EIF4G3: variants seen among roughly 807,000 people sequenced by gnomAD.
EIF4G3 encodes eukaryotic translation initiation factor 4 gamma 3, also known as eIF-4-gamma 3.
In EIF4G3, 34 loss-of-function variants were observed where a neutral mutation model predicts 186.4. That is an observed-to-expected ratio of 0.18 (90% CI 0.14 to 0.24). The LOEUF (loss-of-function observed/expected upper bound fraction) is 0.24, where lower values mean the gene tolerates loss of function less well. EIF4G3 is among the 10% of genes least tolerant of loss of function. EIF4G3 has a pLI of 1.00. For missense variants in EIF4G3, 1,536 were observed against 1,948.5 expected (o/e 0.79, Z 3.99); for synonymous variants, 673 against 679.5 (o/e 0.99, Z 0.15).
intron 7 of EIF4G3, among the ~76,000 whole-genome samples, chr1:20,987,552 A>AT (rs1181129187): frequency 6.6e-6 from 1 of 152,080 alleles, no homozygotes; most frequent in Non-Finnish European, 1.5e-5. Context: ...CATTATTATT[A>AT]TATCTGTTAT....
intron 3 of EIF4G3, among the ~76,000 whole-genome samples, chr1:21,084,178 CATGT>C (rs2095881286): frequency 6.6e-6 from 1 of 150,498 alleles, no homozygotes; most frequent in South Asian, 2.1e-4. Context: ...CTGTAATGTC[CATGT>C]ATTAGTCCAT....
chr1:21,090,362 C>G (rs189600255), intron 2 of EIF4G3, among the ~76,000 whole-genome samples: 1 of 152,246 alleles, frequency 6.6e-6, no homozygotes, highest in African/African-American at 2.4e-5. Flanking sequence ...CAAATGCCAA[C>G]TAGGCAAATA....
intron 30 of EIF4G3, among the ~76,000 whole-genome samples, chr1:20,829,597 C>A (rs1029775834): frequency 6.6e-6 from 1 of 152,118 alleles, no homozygotes; most frequent in African/African-American, 2.4e-5. Context: ...GAAGGACAGT[C>A]CTGTGAAGTT....
At chr1:21,122,286 A>C (rs779081892) in intron 2 of EIF4G3, among the ~76,000 whole-genome samples, 5 of 145,646 alleles carry the variant, frequency 3.4e-5, no homozygotes, top group African/African-American at 5.0e-5. Context: ...GACAATTTTC[A>C]AGATATGAAA....
chr1:21,126,553 G>A (rs2097049326), intron 2 of EIF4G3, among the ~76,000 whole-genome samples: 1 of 151,980 alleles, frequency 6.6e-6, no homozygotes, highest in Non-Finnish European at 1.5e-5. Context: ...CTACTCCCGA[G>A]AATGGCATGG....
At chr1:20,815,472 A>C (rs1271018251) in intron 34 of EIF4G3, among the ~76,000 whole-genome samples, 7 of 134,764 alleles carry the variant, frequency 5.2e-5, no homozygotes, top group African/African-American at 1.1e-4. Flanking sequence ...GCTGGGCCGC[A>C]ACCCTGTCTG....
At chr1:21,173,284 C>G (rs899224444) in intron 2 of EIF4G3, among the ~76,000 whole-genome samples, 6 of 151,814 alleles carry the variant, frequency 4.0e-5, no homozygotes, top group Non-Finnish European at 8.8e-5. Flanking sequence ...GCAACTTCTG[C>G]CTCGTGGGTT....
At chr1:20,986,978 T>A (rs1457765844) in intron 7 of EIF4G3, among the ~76,000 whole-genome samples, 2 of 152,096 alleles carry the variant, frequency 1.3e-5, no homozygotes, top group Non-Finnish European at 2.9e-5. Context: ...TGAGGCAGTA[T>A]TTTGGGCAGA....
intron 7 of EIF4G3, among the ~76,000 whole-genome samples, chr1:20,994,264 G>C (rs931343377): frequency 6.6e-6 from 1 of 152,118 alleles, no homozygotes; most frequent in Non-Finnish European, 1.5e-5. Context: ...ATGCAAAATA[G>C]CAAACTCTTT....
chr1:21,005,368 T>TG (rs1289604530), intron 4 of EIF4G3, among the ~76,000 whole-genome samples: 1 of 152,184 alleles, frequency 6.6e-6, no homozygotes, highest in African/African-American at 2.4e-5. Flanking sequence ...ACATTTAATT[T>TG]GGTGGTATTC....
chr1:20,976,974 G>A (rs12758756), intron 10 of EIF4G3, among the ~76,000 whole-genome samples: 1 of 151,724 alleles, frequency 6.6e-6, no homozygotes, highest in East Asian at 1.9e-4. Flanking sequence ...TAATGAAATA[G>A]AAAGATGCCC....
intron 30 of EIF4G3, among the ~76,000 whole-genome samples, chr1:20,838,595 C>T (rs2067458113): frequency 6.6e-6 from 1 of 152,148 alleles, no homozygotes; most frequent in African/African-American, 2.4e-5. Context: ...CCTTAAAAAC[C>T]AATAACCACA....
At chr1:21,163,243 A>ATGTACACCTAAAGTG (rs1553320108) in intron 2 of EIF4G3, among the ~76,000 whole-genome samples, 1 of 152,230 alleles carries the variant, frequency 6.6e-6, no homozygotes, top group African/African-American at 2.4e-5. Flanking sequence ...CCACATTTAA[A>ATGTACACCTAAAGTG]TACACTCACT....
intron 2 of EIF4G3, among the ~76,000 whole-genome samples, chr1:21,168,705 C>G (rs771721949): frequency 6.6e-6 from 1 of 152,056 alleles, no homozygotes; most frequent in Non-Finnish European, 1.5e-5. Context: ...GGATTACAGG[C>G]ATGAACCACC....
intron 12 of EIF4G3, among the ~76,000 whole-genome samples, chr1:20,959,515 C>G (rs1361259757): frequency 6.6e-6 from 1 of 151,724 alleles, no homozygotes; most frequent in Non-Finnish European, 1.5e-5. Context: ...GCAAATGCAA[C>G]AAAAACGCAA....
At chr1:20,906,571 T>G (rs2092154544) in intron 14 of EIF4G3, among the ~76,000 whole-genome samples, 1 of 152,146 alleles carries the variant, frequency 6.6e-6, no homozygotes, top group Admixed American at 6.6e-5. Context: ...TAAACTTTTC[T>G]TTCCACAAAT....
At chr1:21,022,242 A>G (rs1217732402) in intron 4 of EIF4G3, among the ~76,000 whole-genome samples, 2 of 152,234 alleles carry the variant, frequency 1.3e-5, no homozygotes, top group Non-Finnish European at 2.9e-5. Context: ...CTATATATCC[A>G]GTTATTTATA....
intron 18 of EIF4G3, among the ~76,000 whole-genome samples, chr1:20,892,206 TA>T (rs2086309563): frequency 6.6e-6 from 1 of 152,182 alleles, no homozygotes; most frequent in Non-Finnish European, 1.5e-5. Flanking sequence ...TCACCTTACA[TA>T]AAATGAAGTA....
intron 2 of EIF4G3, among the ~76,000 whole-genome samples, chr1:21,163,748 AT>A (rs1448417861): frequency 6.6e-6 from 1 of 152,074 alleles, no homozygotes; most frequent in Non-Finnish European, 1.5e-5. Flanking sequence ...ATTAAGCAGT[AT>A]TTCCCAATTT....
Sources: gnomAD v4.1 joint callset for allele counts (sites outside exome capture counted in the v4.1 genomes callset) on GRCh38, gnomAD v4.1.1 for gene constraint, MANE v1.5 for transcripts, NCBI Gene and HGNC (gene_info 2026-07-23, HGNC 2026-07-21) for gene names.